Variants in NUDT3 observed in about 807,000 individuals in gnomAD.
The protein encoded by NUDT3 is diphosphoinositol polyphosphate phosphohydrolase 1.
In NUDT3, 9 loss-of-function variants were observed where a neutral mutation model predicts 23.6. That is an observed-to-expected ratio of 0.38 (90% CI 0.23 to 0.66). NUDT3 has a LOEUF of 0.66. Among genes scored for constraint, NUDT3 ranks in the 30% least tolerant of loss-of-function variants. The pLI is 0.52. For synonymous variants in NUDT3, 86 were observed against 82.6 expected, an observed-to-expected ratio of 1.04 and a Z score of -0.22; for missense variants, 172 against 218.5, an observed-to-expected ratio of 0.79 and a Z score of 1.34.
chr6:34,368,956 A>G (rs1187304971), intron 1 of NUDT3, among the ~76,000 whole-genome samples: 3 of 152,128 alleles, frequency 2.0e-5, no homozygotes, highest in African/African-American at 4.8e-5. Context: ...GCTCTGTTTA[A>G]TAAGTAATTC....
rs1371979267 is a variant in NUDT3 at position 34,288,019 on chromosome 6, G to A, written c.*734C>T. Reference sequence around the variant, plus strand: ...GGGAAATACAGCTTAAAGAAGGAAAGGCCATGAGTCCTGGGAGCACTATGA... The same window carrying A: ...GGGAAATACAGCTTAAAGAAGGAAAAGCCATGAGTCCTGGGAGCACTATGA... On this transcript the variant is annotated 3_prime_UTR_variant, in exon 5 of 5. Coordinates refer to ENST00000607016, the MANE Select transcript of NUDT3 (RefSeq NM_006703.4). The A allele has an allele frequency of 2.6e-5, 4 of 152,166 alleles. No individual in the cohort carries two copies. Among genetic ancestry groups the A allele is most frequent in the African/African-American group, 9.7e-5 (4 of 41,450 alleles). The allele number at this position is 152,166 out of a possible 1,614,324, so 9.4% of individuals were successfully genotyped here.
chr6:34,392,636 C>A lies in NUDT3; in HGVS notation c.-274G>T. On this transcript the variant is annotated 5_prime_UTR_variant, in exon 1 of 5. Coordinates refer to ENST00000607016, the MANE Select transcript of NUDT3 (RefSeq NM_006703.4). ...CCGCCGCCACCCCCGACGACGACCGCGCCGCCATCTTGGGCGCGATGCGTC... is the reference window on the plus strand; with the variant it reads ...CCGCCGCCACCCCCGACGACGACCGAGCCGCCATCTTGGGCGCGATGCGTC... 1 of 237,792 alleles carries A rather than the reference C, an allele frequency of 4.2e-6. No homozygotes were observed. Among genetic ancestry groups the A allele is most frequent in the Non-Finnish European group, 8.1e-6 (1 of 123,816 alleles). 14.7% of individuals were successfully genotyped at this position (237,792 alleles called of 1,614,324 possible). A position where few individuals can be genotyped will look rare whatever the true frequency, so the allele number is the denominator to read the frequency against.
rs1763296364 is a variant in NUDT3 at position 34,283,171 on chromosome 6, A to C, written c.*5582T>G. 6.6e-6 allele frequency: 1 copy of C among 151,130 alleles called. No homozygotes were observed. Among genetic ancestry groups the C allele is most frequent in the East Asian group, 1.9e-4 (1 of 5,146 alleles). 9.4% of individuals were successfully genotyped at this position (151,130 alleles called of 1,614,324 possible). On this transcript the variant is annotated 3_prime_UTR_variant, in exon 5 of 5. Coordinates refer to ENST00000607016, the MANE Select transcript of NUDT3 (RefSeq NM_006703.4). ...GCCTCAGCTCAAGTAGTGTGCCCAA[A>C]TCATCACAAAATGGGATTCCCTTCC...
chr6:34,309,879 A>G (rs1763744853), intron 2 of NUDT3, among the ~76,000 whole-genome samples: 1 of 152,172 alleles, frequency 6.6e-6, no homozygotes, highest in Admixed American at 6.5e-5. Flanking sequence ...GAATCTGTCA[A>G]AACTCACGTA....
At chr6:34,321,308 C>T (rs376694602) in intron 2 of NUDT3, among the ~76,000 whole-genome samples, 8 of 151,720 alleles carry the variant, frequency 5.3e-5, no homozygotes, top group Non-Finnish European at 1.0e-4. Context: ...CGTGGTGGTG[C>T]GCACCTGTAA....
rs1465915260 is a variant in NUDT3, at chr6:34,284,197, T to C, written c.*4556A>G. ...TTAAGAAACAGAAGAGCCATTTGCA[T>C]TATTTAATCACCATTCAATAATCTC... On this transcript the variant is annotated 3_prime_UTR_variant, in exon 5 of 5. Coordinates refer to ENST00000607016, the MANE Select transcript of NUDT3 (RefSeq NM_006703.4). The C allele has an allele frequency of 1.3e-5, 2 of 152,214 alleles. No homozygotes were observed. The highest frequency in any genetic ancestry group is 2.9e-5 in the Non-Finnish European group (2 of 68,044). 9.4% of individuals were successfully genotyped at this position (152,214 alleles called of 1,614,324 possible).
chr6:34,319,342 T>C (rs1763906315), intron 2 of NUDT3, among the ~76,000 whole-genome samples: 1 of 152,212 alleles, frequency 6.6e-6, no homozygotes, highest in Admixed American at 6.5e-5. Flanking sequence ...CTAGAACTTC[T>C]GACCAACTAG....
chr6:34,328,782 C>T (rs1764081619), intron 2 of NUDT3, among the ~76,000 whole-genome samples: 1 of 152,160 alleles, frequency 6.6e-6, no homozygotes, highest in Non-Finnish European at 1.5e-5. Flanking sequence ...AACTGCTATA[C>T]TTATGTTGAA....
intron 2 of NUDT3, among the ~76,000 whole-genome samples, chr6:34,314,924 C>CAGTT (rs1349790707): frequency 6.6e-6 from 1 of 152,106 alleles, no homozygotes; most frequent in East Asian, 1.9e-4. Flanking sequence ...CAATACTATG[C>CAGTT]AGTTAAACAT....
rs1354948858 is a variant in NUDT3 at position 34,281,589 on chromosome 6, C to CTG, written c.*7162_*7163dup. The CTG allele has an allele frequency of 1.3e-5, 2 of 152,242 alleles. No homozygotes were observed. Among genetic ancestry groups the CTG allele is most frequent in the African/African-American group, 4.8e-5 (2 of 41,468 alleles). 9.4% of individuals were successfully genotyped at this position (152,242 alleles called of 1,614,324 possible). A position where few individuals can be genotyped will look rare whatever the true frequency, so the allele number is the denominator to read the frequency against. On this transcript the variant is annotated 3_prime_UTR_variant, in exon 5 of 5. Transcript: ENST00000607016. Reference sequence around the variant, plus strand: ...TAGAACAGACCTGACATTTACAAAACTGTACTACATACTTATTTCTTTTAC... The same window carrying CTG: ...TAGAACAGACCTGACATTTACAAAACTGTGTACTACATACTTATTTCTTTTAC...
chr6:34,368,402 C>G (rs1764772957), intron 1 of NUDT3, among the ~76,000 whole-genome samples: 1 of 152,184 alleles, frequency 6.6e-6, no homozygotes, highest in Non-Finnish European at 1.5e-5. Context: ...TCTGGAAAGG[C>G]ACAGGCCAGG....
At chr6:34,336,507 T>C (rs1240914528) in intron 2 of NUDT3, among the ~76,000 whole-genome samples, 1 of 152,210 alleles carries the variant, frequency 6.6e-6, no homozygotes, top group Admixed American at 6.5e-5. Flanking sequence ...TTTTCTCCCA[T>C]TCTGTAGACT....
At chr6:34,318,075 C>G (rs1763887956) in intron 2 of NUDT3, among the ~76,000 whole-genome samples, 1 of 152,188 alleles carries the variant, frequency 6.6e-6, no homozygotes, top group African/African-American at 2.4e-5. Context: ...GCTCTGCCAT[C>G]TGCCCCCAGA....
In NUDT3 at chr6:34,392,285, G is replaced by A; in HGVS notation, c.78C>T (p.Phe26=). 6.2e-7 allele frequency: 1 copy of A among 1,603,796 alleles called. No individual in the cohort carries two copies. Among genetic ancestry groups the A allele is most frequent in the Non-Finnish European group, 8.5e-7 (1 of 1,177,188 alleles). ...TCACCTCCTCCTCGCTCTCGCTGCGGAAACACAGGCATGCGGCCCGCTTCT... is the reference window on the plus strand; with the variant it reads ...TCACCTCCTCCTCGCTCTCGCTGCGAAAACACAGGCATGCGGCCCGCTTCT... The part of the protein sequence containing the change: ...GYKKRAACLC[F]RSESEEEVLL... Residue 26 remains phenylalanine (F), a synonymous_variant, in exon 1 of 5, where the codon TTC becomes TTT. Transcript: ENST00000607016.
intron 2 of NUDT3, among the ~76,000 whole-genome samples, chr6:34,303,036 C>CT (rs981871045): frequency 2.6e-5 from 4 of 152,012 alleles, no homozygotes; most frequent in African/African-American, 9.7e-5. Context: ...ATTTTTGTAC[C>CT]TTTATCCATC....
intron 2 of NUDT3, among the ~76,000 whole-genome samples, chr6:34,336,495 T>C (rs1764211082): frequency 6.6e-6 from 1 of 152,228 alleles, no homozygotes; most frequent in Non-Finnish European, 1.5e-5. Context: ...ATTTTGCATA[T>C]ATTTTCTCCC....
intron 1 of NUDT3, among the ~76,000 whole-genome samples, chr6:34,374,109 A>C (rs1486011224): frequency 2.1e-5 from 3 of 143,348 alleles, no homozygotes; most frequent in Non-Finnish European, 4.5e-5. Context: ...GCAAGCCCGG[A>C]TCATGCCACT....
chr6:34,375,983 A>G (rs1475400952), intron 1 of NUDT3, among the ~76,000 whole-genome samples: 1 of 151,964 alleles, frequency 6.6e-6, no homozygotes, highest in Non-Finnish European at 1.5e-5. Flanking sequence ...CTTTCTGTGT[A>G]CTTTCTCTTG....
intron 2 of NUDT3, among the ~76,000 whole-genome samples, chr6:34,301,525 G>A (rs961999087): frequency 1.3e-5 from 2 of 152,240 alleles, no homozygotes; most frequent in African/African-American, 2.4e-5. Context: ...ATATGAATAA[G>A]CCTGAGCTTA....
Sources: allele counts gnomAD v4.1 joint callset (sites outside exome capture counted in the v4.1 genomes callset), GRCh38; gene constraint gnomAD v4.1.1; transcripts MANE v1.5; gene names NCBI Gene and HGNC (gene_info 2026-07-23, HGNC 2026-07-21).